Variants in ABCG4 observed in about 807,000 individuals in gnomAD.
ABCG4 encodes the protein ATP-binding cassette sub-family G member 4.
In ABCG4, 35 loss-of-function variants were observed where a neutral mutation model predicts 64.6. The observed-to-expected ratio is 0.54, with a 90% CI of 0.41 to 0.72. ABCG4 has a LOEUF of 0.72. Among genes scored for constraint, ABCG4 ranks in the 30% least tolerant of loss-of-function variants. The pLI is 0.00. For synonymous variants in ABCG4, 326 were observed against 348.2 expected (o/e 0.94, Z 0.71); for missense variants, 610 against 846.3 (o/e 0.72, Z 3.46).
In ABCG4 at chr11:119,158,541, G is replaced by A; in HGVS notation, c.1168-16G>A. The A allele has an allele frequency of 6.2e-7, 1 of 1,614,064 alleles. No homozygotes were observed. The highest frequency in any genetic ancestry group is 8.5e-7 in the Non-Finnish European group (1 of 1,179,966). ...GCCTGTAACACATCCCTCTCCTGGT[G>A]ATGACCCCTCCCAAGGTCCTGACCC... On this transcript the variant is annotated splice_polypyrimidine_tract_variant and intron_variant, in intron 10 of 14. Transcript: ENST00000619701. This position sits in a 1 kb window ranked among gnomAD's most constrained non-coding sequence, Gnocchi z 4.5.
At chr11:119,153,823 A>ATATTAGTGG (rs2135120202) in intron 2 of ABCG4, 2 of 588,540 alleles carry the variant, frequency 3.4e-6, no homozygotes, top group East Asian at 5.5e-5. Flanking sequence ...TGGTACTTTG[A>ATATTAGTGG]TATTAGTGGT....
Position 119,156,742 on chromosome 11 carries a change from C to A in ABCG4, c.925+64C>A. ...GTGGGCCGAACCTGGGGTCTCTGGT[C>A]TTGCACTCAGGCCTCCTAGGGGTAG... On this transcript the variant is annotated intron_variant, in intron 8 of 14. Transcript: ENST00000619701. The surrounding 1 kb of genome is among the most constrained non-coding windows in gnomAD (Gnocchi z 5.5). 6.3e-7 allele frequency: 1 copy of A among 1,597,980 alleles called. No individual in the cohort carries two copies. The highest frequency in any genetic ancestry group is 1.1e-5 in the South Asian group (1 of 90,594).
At position 119,154,818 on chromosome 11, in the gene ABCG4, A is replaced by C; in HGVS notation, c.589A>C (p.Arg197=). Residue 197 remains arginine, a synonymous_variant, in exon 6 of 15, where the codon AGG becomes CGG. Transcript: ENST00000619701. This position sits in a 1 kb window ranked among gnomAD's most constrained non-coding sequence, Gnocchi z 7.0. ...GGGCCTGATGTCGTGCTCCCACACG[A>C]GGACAGCCCTGCTCTCTGGCGGGCA... The part of the protein sequence containing the change: ...ALGLMSCSHT[R]TALLSGGQRK... 6.2e-7 allele frequency: 1 copy of C among 1,613,894 alleles called. No individual in the cohort carries two copies. Among genetic ancestry groups the C allele is most frequent in the Non-Finnish European group, 8.5e-7 (1 of 1,179,752 alleles).
chr11:119,152,737 C>T (rs1242374094), intron 2 of ABCG4: 1 of 152,216 alleles, frequency 6.6e-6, no homozygotes, highest in Non-Finnish European at 1.5e-5. Context: ...GCTTTTCCTC[C>T]CAAAGCCTAG....
In ABCG4 at chr11:119,155,257, G is replaced by C. The variant is rs1211304975; in HGVS notation, c.686+342G>C. On this transcript the variant is annotated intron_variant, in intron 6 of 14. Coordinates refer to ENST00000619701, the MANE Select transcript of ABCG4 (RefSeq NM_022169.5). This position sits in a 1 kb window ranked among gnomAD's most constrained non-coding sequence, Gnocchi z 4.5. The stretch of plus-strand genomic sequence containing the variant: ...TGATGTTAAGTTCAGGACAGCAACA[G>C]ATTCTTATCTGCTTGTCTCCAGTGT... Among the ~76,000 whole-genome samples, 1 of 152,212 alleles carries C rather than the reference G, an allele frequency of 6.6e-6. No homozygotes were observed. The highest frequency in any genetic ancestry group is 1.5e-5 in the Non-Finnish European group (1 of 68,034).
Position 119,150,321 on chromosome 11 carries a change from A to G in ABCG4, c.238+118A>G. 7.1e-7 allele frequency: 1 copy of G among 1,409,516 alleles called. No homozygotes were observed. Among genetic ancestry groups the G allele is most frequent in the African/African-American group, 1.4e-5 (1 of 70,196 alleles). 87.3% of individuals were successfully genotyped at this position (1,409,516 alleles called of 1,614,324 possible). ...CTGCACCAGTGGGCTCTGTGGAAAC[A>G]CTAAAATCTGGGCCCCAGCCCGTTG... is the stretch of plus-strand genomic sequence containing the variant. On this transcript the variant is annotated intron_variant, in intron 2 of 14. Transcript: ENST00000619701. The surrounding 1 kb of genome is among the most constrained non-coding windows in gnomAD (Gnocchi z 4.3).
Position 119,158,958 on chromosome 11 carries a change from G to A in ABCG4, c.1437+29G>A, listed in dbSNP as rs1434730701. 3 of 1,599,026 alleles carry A rather than the reference G, an allele frequency of 1.9e-6. No individual in the cohort carries two copies. Among genetic ancestry groups the A allele is most frequent in the Non-Finnish European group, 2.6e-6 (3 of 1,166,638 alleles). ...GGCCTCTTCCTCCCACCTGCCCACT[G>A]CCTCCATCTTGTCTTGCTCCTTCTA... On this transcript the variant is annotated intron_variant, in intron 12 of 14. Coordinates refer to ENST00000619701, the MANE Select transcript of ABCG4 (RefSeq NM_022169.5). The surrounding 1 kb of genome is among the most constrained non-coding windows in gnomAD (Gnocchi z 4.5).
In ABCG4 at chr11:119,158,558, T is replaced by C; in HGVS notation, c.1169T>C (p.Val390Ala). The C allele has an allele frequency of 1.2e-6, 2 of 1,614,152 alleles. No homozygotes were observed. The highest frequency in any genetic ancestry group is 1.7e-6 in the Non-Finnish European group (2 of 1,180,004). ...RTFLSILRDT[V>A]LTHLRFMSHV... ...CTCCTGGTGATGACCCCTCCCAAGG[T>C]CCTGACCCACCTACGGTTCATGTCC... is the stretch of plus-strand genomic sequence containing the variant. The change falls in exon 11 of 15, where the codon GTC becomes GCC. Residue 390 changes from valine to alanine, a missense_variant and splice_region_variant. By Grantham distance (64) the Val-to-Ala change is moderately conservative. Transcript: ENST00000619701. The surrounding 1 kb of genome is among the most constrained non-coding windows in gnomAD (Gnocchi z 4.5).
At position 119,158,254 on chromosome 11, in the gene ABCG4, C is replaced by G. The variant is rs758270241; in HGVS notation, c.1089C>G (p.Ser363Arg). Residue 363 changes from serine to arginine, a missense_variant, in exon 10 of 15, where the codon AGC becomes AGG. Ser to Arg is a moderately radical substitution (Grantham distance 110). Coordinates refer to ENST00000619701, the MANE Select transcript of ABCG4 (RefSeq NM_022169.5). This position sits in a 1 kb window ranked among gnomAD's most constrained non-coding sequence, Gnocchi z 4.5. ...PCPPEVDPIE[S>R]HTFATSTLTQ... ...CCCAGGAAGTGGATCCCATTGAAAG[C>G]CACACCTTTGCCACCAGCACCCTCA... 3 of 1,596,462 alleles carry G rather than the reference C, an allele frequency of 1.9e-6. No individual in the cohort carries two copies. The East Asian group carries it at 6.7e-5, about 36-fold the overall frequency.
chr11:119,161,076 G>A lies in ABCG4; in HGVS notation c.1911G>A (p.Val637=). 1 of 1,613,892 alleles carries A rather than the reference G, an allele frequency of 6.2e-7. No individual in the cohort carries two copies. The highest frequency in any genetic ancestry group is 8.5e-7 in the Non-Finnish European group (1 of 1,179,960). Residue 637 remains valine (V), a synonymous_variant, in exon 15 of 15, where the codon GTG becomes GTA. Coordinates refer to ENST00000619701, the MANE Select transcript of ABCG4 (RefSeq NM_022169.5). ...FLALRLLAYL[V]LRYRVKSER is the part of the protein sequence containing the mutation. ...CCCTGCGGCTGCTGGCCTACCTTGT[G>A]CTGCGTTACCGGGTCAAGTCAGAGA...
chr11:119,156,422 C>G lies in ABCG4; in HGVS notation c.780C>G (p.Pro260=), dbSNP rs1948264750. The change falls in exon 7 of 15, where the codon CCC becomes CCG. Residue 260 remains proline, a synonymous_variant. Coordinates refer to ENST00000619701, the MANE Select transcript of ABCG4 (RefSeq NM_022169.5). This position sits in a 1 kb window ranked among gnomAD's most constrained non-coding sequence, Gnocchi z 5.5. The part of the protein sequence containing the change: ...GRTIICTIHQ[P]SAKLFEMFDK... The stretch of plus-strand genomic sequence containing the variant: ...CCATCATCTGCACCATCCACCAGCC[C>G]AGTGCCAAGCTCTTTGAGATGTTTG... The G allele has an allele frequency of 5.6e-6, 9 of 1,614,182 alleles. No individual in the cohort carries two copies. Among genetic ancestry groups the G allele is most frequent in the Non-Finnish European group, 7.6e-6 (9 of 1,180,030 alleles).
Position 119,154,449 on chromosome 11 carries a change from C to A in ABCG4, c.489+57C>A. ...CAACCCCCTCTGTCTGCTGTCGCCA[C>A]CTTCACCATTGGCGGAGGGTTCAAG... On this transcript the variant is annotated intron_variant, in intron 4 of 14. Transcript: ENST00000619701. The surrounding 1 kb of genome is among the most constrained non-coding windows in gnomAD (Gnocchi z 7.0). 1 of 1,614,130 alleles carries A rather than the reference C, an allele frequency of 6.2e-7. No individual in the cohort carries two copies. Among genetic ancestry groups the A allele is most frequent in the South Asian group, 1.1e-5 (1 of 91,090 alleles).
In ABCG4 at chr11:119,155,467, G is replaced by A. The variant is rs777529374; in HGVS notation, c.686+552G>A. The stretch of plus-strand genomic sequence containing the variant: ...CTCTTGAGTAGCTGGAATTACAGGC[G>A]TGTACCACCACACCCAGCTAGTTTT... On this transcript the variant is annotated intron_variant, in intron 6 of 14. Coordinates refer to ENST00000619701, the MANE Select transcript of ABCG4 (RefSeq NM_022169.5). The surrounding 1 kb of genome is among the most constrained non-coding windows in gnomAD (Gnocchi z 4.5). Among the ~76,000 whole-genome samples, 5 of 152,156 alleles carry A rather than the reference G, an allele frequency of 3.3e-5. No individual in the cohort carries two copies. The highest frequency in any genetic ancestry group is 3.2e-3 in the Middle Eastern group (1 of 316).
At position 119,149,649 on chromosome 11, in the gene ABCG4, C is replaced by T; in HGVS notation, c.-13+286C>T. ...CTGCCGGCTGCCTCTTCTCCCCCGC[C>T]CCCTATTCCTTCAGTCCCCAGGGGC... On this transcript the variant is annotated intron_variant, in intron 1 of 14. Transcript: ENST00000619701. The surrounding 1 kb of genome is among the most constrained non-coding windows in gnomAD (Gnocchi z 8.3). The T allele has an allele frequency of 2.5e-6, 1 of 394,188 alleles. No individual in the cohort carries two copies. The allele number at this position is 394,188 out of a possible 1,614,324, so 24.4% of individuals were successfully genotyped here.
rs962547840 is a variant in ABCG4 at position 119,149,616 on chromosome 11, G to A, written c.-13+253G>A. ...CCTGCTACCCCGACCTCCTAGAGCGGGCAGCCTCTGCCGGCTGCCTCTTCT... is the reference window on the plus strand; with the variant it reads ...CCTGCTACCCCGACCTCCTAGAGCGAGCAGCCTCTGCCGGCTGCCTCTTCT... On this transcript the variant is annotated intron_variant, in intron 1 of 14. Coordinates refer to ENST00000619701, the MANE Select transcript of ABCG4 (RefSeq NM_022169.5). The surrounding 1 kb of genome is among the most constrained non-coding windows in gnomAD (Gnocchi z 8.3). 3.3e-5 allele frequency: 10 copies of A among 299,972 alleles called. No homozygotes were observed. The South Asian group carries it at 5.0e-4, about 15-fold the overall frequency. The allele number at this position is 299,972 out of a possible 1,614,324, so 18.6% of individuals were successfully genotyped here. A position where few individuals can be genotyped will look rare whatever the true frequency, so the allele number is the denominator to read the frequency against.
In ABCG4 at chr11:119,150,260, AAGCATG is replaced by A; in HGVS notation, c.238+60_238+65del. 1 of 1,579,918 alleles carries A rather than the reference AAGCATG, an allele frequency of 6.3e-7. No individual in the cohort carries two copies. On this transcript the variant is annotated intron_variant, in intron 2 of 14. Transcript: ENST00000619701. The surrounding 1 kb of genome is among the most constrained non-coding windows in gnomAD (Gnocchi z 4.3). ...GGCCCTCTCTGAGTTGCCTCTCCAGAAGCATGAGGCCTGGGTGTCCCATGTTCGGAA... is the reference window on the plus strand; with the variant it reads ...GGCCCTCTCTGAGTTGCCTCTCCAGAAGGCCTGGGTGTCCCATGTTCGGAA...
In ABCG4 at chr11:119,158,986, C is replaced by T; in HGVS notation, c.1437+57C>T. 1.3e-6 allele frequency: 2 copies of T among 1,525,074 alleles called. No individual in the cohort carries two copies. Among genetic ancestry groups the T allele is most frequent in the South Asian group, 1.1e-5 (1 of 89,224 alleles). The allele number at this position is 1,525,074 out of a possible 1,614,324, so 94.5% of individuals were successfully genotyped here. A position where few individuals can be genotyped will look rare whatever the true frequency, so the allele number is the denominator to read the frequency against. On this transcript the variant is annotated intron_variant, in intron 12 of 14. Coordinates refer to ENST00000619701, the MANE Select transcript of ABCG4 (RefSeq NM_022169.5). This position sits in a 1 kb window ranked among gnomAD's most constrained non-coding sequence, Gnocchi z 4.5. ...TCCATCTTGTCTTGCTCCTTCTATC[C>T]TTGCTTTCTTGCCTCCCTCAAACTT...
At position 119,160,998 on chromosome 11, in the gene ABCG4, G is replaced by A. The variant is rs866537174; in HGVS notation, c.1833G>A (p.Val611=). Residue 611 remains valine, a synonymous_variant, in exon 15 of 15, where the codon GTG becomes GTA. Coordinates refer to ENST00000619701, the MANE Select transcript of ABCG4 (RefSeq NM_022169.5). This position sits in a 1 kb window ranked among gnomAD's most constrained non-coding sequence, Gnocchi z 4.6. ...AGAGCATCCTCCGAGCGCTGGATGT[G>A]GAGGATGCCAAGCTCTACATGGACT... ...EPQSILRALD[V]EDAKLYMDFL... 1 of 1,614,062 alleles carries A rather than the reference G, an allele frequency of 6.2e-7. No homozygotes were observed. Among genetic ancestry groups the A allele is most frequent in the Non-Finnish European group, 8.5e-7 (1 of 1,179,972 alleles).
Position 119,154,527 on chromosome 11 carries a change from C to A in ABCG4, c.492C>A (p.Val164=), listed in dbSNP as rs909199616. ...PHLTVLEAMM[V]SANLKLSEKQ... is the part of the protein sequence containing the mutation. The stretch of plus-strand genomic sequence containing the variant: ...CTTGCTTACTCTCTGGGCCCCAGGT[C>A]TCTGCTAACCTGAAGCTGAGTGAGA... Residue 164 remains valine, a splice_region_variant and synonymous_variant, in exon 5 of 15, where the codon GTC becomes GTA. Transcript: ENST00000619701. This position sits in a 1 kb window ranked among gnomAD's most constrained non-coding sequence, Gnocchi z 7.0. The A allele has an allele frequency of 1.9e-6, 3 of 1,614,010 alleles. No individual in the cohort carries two copies.
Sources: allele counts gnomAD v4.1 joint callset (sites outside exome capture counted in the v4.1 genomes callset), GRCh38; gene constraint gnomAD v4.1.1; non-coding constraint Gnocchi (gnomAD v3.1); transcripts MANE v1.5; gene names NCBI Gene and HGNC (gene_info 2026-07-23, HGNC 2026-07-21).